Variants in NAE1 observed in about 807,000 individuals in gnomAD.
The protein encoded by NAE1 is NEDD8-activating enzyme E1 regulatory subunit.
Under a neutral mutation model 88.0 loss-of-function variants are expected in NAE1, and 59 were observed. The ratio of observed to expected loss-of-function variants is 0.67; its 90% CI spans 0.54 to 0.83. The LOEUF is 0.83. Among genes scored for constraint, NAE1 ranks in the 40% least tolerant of loss-of-function variants. The pLI, the probability that NAE1 is intolerant of heterozygous loss-of-function variation, is 0.00. For synonymous variants in NAE1, 186 were observed against 208.9 expected (o/e 0.89, Z 0.95); for missense variants, 554 against 632.8 (o/e 0.88, Z 1.34).
intron 7 of NAE1, among the ~76,000 whole-genome samples, chr16:66,819,750 ATTAAGGATAC>A: frequency 2.0e-5 from 3 of 152,204 alleles, no homozygotes; most frequent in Non-Finnish European, 4.4e-5. Context: ...GGATTTTTGG[ATTAAGGATAC>A]TCAATCTGTA....
chr16:66,816,506 T>A lies in NAE1; in HGVS notation c.840+75A>T, dbSNP rs537114946. 31 of 1,022,322 alleles carry A rather than the reference T, an allele frequency of 3.0e-5. No individual in the cohort carries two copies. The African/African-American group carries it at 4.7e-4, about 15-fold the overall frequency. 63.3% of individuals were successfully genotyped at this position (1,022,322 alleles called of 1,614,324 possible). A position where few individuals can be genotyped will look rare whatever the true frequency, so the allele number is the denominator to read the frequency against. ...TAGAAAATATTAACTTAAATCATTA[T>A]AGTCAACCATTTAATAGCCAAGGAC... On this transcript the variant is annotated intron_variant, in intron 11 of 19. Transcript: ENST00000290810.
rs370582777 is a variant in NAE1 at position 66,824,869 on chromosome 16, T to C, written c.235A>G (p.Ser79Gly). 1.9e-6 allele frequency: 3 copies of C among 1,610,424 alleles called. No homozygotes were observed. Among genetic ancestry groups the C allele is most frequent in the South Asian group, 2.2e-5 (2 of 90,548 alleles). ...TAATTGTTTACCTTGCCGATACTGCTTCTTTGAAGGAAGAAACTAAAGTGA... is the reference window on the plus strand; with the variant it reads ...TAATTGTTTACCTTGCCGATACTGCCTCTTTGAAGGAAGAAACTAAAGTGA... ...DAGNNFFLQRSSIGKNRAEAA... is the reference protein window; with the variant it reads ...DAGNNFFLQRGSIGKNRAEAA... Residue 79 changes from serine to glycine, a missense_variant, in exon 4 of 20, where the codon AGC (serine) becomes GGC (glycine). Physicochemically the swap from Ser to Gly is moderately conservative, Grantham distance 56. Coordinates refer to ENST00000290810, the MANE Select transcript of NAE1 (RefSeq NM_003905.4).
At chr16:66,813,380 A>G (rs1959898523) in intron 13 of NAE1, 184 bp downstream of exon 13, 4 of 646,230 alleles carry the variant, frequency 6.2e-6, no homozygotes, top group Non-Finnish European at 1.0e-5. Context: ...GACTCAAGCA[A>G]TTCTCCCACC....
At chr16:66,829,630 G>A (rs373338821) in intron 1 of NAE1, among the ~76,000 whole-genome samples, 5 of 152,318 alleles carry the variant, frequency 3.3e-5, no homozygotes, top group Non-Finnish European at 7.3e-5. Context: ...TTGTCTCAGA[G>A]GCTCCAGGAA....
intron 6 of NAE1, 27 bp from the exon 7 acceptor site, chr16:66,821,586 G>A: frequency 6.7e-7 from 1 of 1,498,954 alleles, no homozygotes; most frequent in Non-Finnish European, 8.9e-7. Flanking sequence ...AGCAAAATAT[G>A]AACATAAGCA....
At position 66,803,101 on chromosome 16, in the gene NAE1, C is replaced by T. The variant is rs1959418517; in HGVS notation, c.1513G>A (p.Val505Ile). ...AATTGTTTGGTGATTATTTTGATGA[C>T]CTCTTGAGCAGCAGCTCCTGAAAGG... The part of the protein sequence containing the change: ...AFLGGAAAQE[V>I]IKIITKQFVI... The change falls in exon 20 of 20, where the codon GTC becomes ATC. Residue 505 changes from valine to isoleucine, a missense_variant. Coordinates refer to ENST00000290810, the MANE Select transcript of NAE1 (RefSeq NM_003905.4). 1 of 1,608,222 alleles carries T rather than the reference C, an allele frequency of 6.2e-7. No individual in the cohort carries two copies. Among genetic ancestry groups the T allele is most frequent in the South Asian group, 1.1e-5 (1 of 90,884 alleles).
intron 6 of NAE1, among the ~76,000 whole-genome samples, chr16:66,822,069 G>A (rs758003824): frequency 2.0e-5 from 3 of 152,086 alleles, no homozygotes; most frequent in Non-Finnish European, 4.4e-5. Flanking sequence ...GTTTTGCCAT[G>A]TTGCCCAGGT....
chr16:66,820,782 T>C (rs551252964), intron 7 of NAE1, among the ~76,000 whole-genome samples: 1 of 151,830 alleles, frequency 6.6e-6, no homozygotes, highest in South Asian at 2.1e-4. Context: ...GCGCCTGTAG[T>C]CCCAGCTACT....
At position 66,821,377 on chromosome 16, in the gene NAE1, T is replaced by C. The variant is rs998685834; in HGVS notation, c.511+73A>G. On this transcript the variant is annotated intron_variant, in intron 7 of 19. Transcript: ENST00000290810. ...ATTTACTTTGTAATTTAAAACTGAC[T>C]TTCTAAATTGTCAAGTTTCTAAAAT... is the stretch of plus-strand genomic sequence containing the variant. The C allele has an allele frequency of 2.9e-6, 4 of 1,400,196 alleles. No individual in the cohort carries two copies. In the African/African-American group the frequency reaches 5.9e-5, roughly 21 times the overall value. The allele number at this position is 1,400,196 out of a possible 1,614,324, so 86.7% of individuals were successfully genotyped here.
intron 4 of NAE1, 43 bp from the exon 5 acceptor site, chr16:66,823,643 G>A (rs1960353549): frequency 4.0e-6 from 6 of 1,518,332 alleles, no homozygotes; most frequent in Non-Finnish European, 4.5e-6. Flanking sequence ...GAAAAAACTT[G>A]GTCACAATAT....
intron 1 of NAE1, among the ~76,000 whole-genome samples, chr16:66,829,539 C>A (rs1024156112): frequency 6.6e-6 from 1 of 152,206 alleles, no homozygotes; most frequent in Non-Finnish European, 1.5e-5. Context: ...ACTCTCAGAA[C>A]TAAGTGCCTA....
In NAE1 at chr16:66,802,911, A is replaced by G. The variant is rs1477568535; in HGVS notation, c.*98T>C. The G allele has an allele frequency of 1.3e-6, 1 of 744,366 alleles. No homozygotes were observed. The highest frequency in any genetic ancestry group is 2.6e-5 in the East Asian group (1 of 38,440). 46.1% of individuals were successfully genotyped at this position (744,366 alleles called of 1,614,324 possible). On this transcript the variant is annotated 3_prime_UTR_variant, in exon 20 of 20. Coordinates refer to ENST00000290810, the MANE Select transcript of NAE1 (RefSeq NM_003905.4). ...GAGAAAAATGTTTATTAAGAAAACA[A>G]TTTAGCAGCTCTCCTTTAGAATTTT... is the stretch of plus-strand genomic sequence containing the variant.
At chr16:66,804,609 G>A (rs571186932) in intron 19 of NAE1, among the ~76,000 whole-genome samples, 50 of 152,292 alleles carry the variant, frequency 3.3e-4, no homozygotes, top group Non-Finnish European at 6.3e-4. Flanking sequence ...TCAGTCTACA[G>A]GAGATCACAG....
At chr16:66,816,698 A>C in intron 10 of NAE1, 26 bp from the exon 11 acceptor site, 1 of 1,529,234 alleles carries the variant, frequency 6.5e-7, no homozygotes, top group East Asian at 2.3e-5. Context: ...ATTGTTAGCA[A>C]ACAGCCCTTT....
chr16:66,825,744 G>A (rs532329226), intron 3 of NAE1, among the ~76,000 whole-genome samples: 1 of 152,100 alleles, frequency 6.6e-6, no homozygotes, highest in South Asian at 2.1e-4. Flanking sequence ...CATGTCTCAA[G>A]GCCCAGATAT....
Position 66,817,474 on chromosome 16 carries a change from G to A in NAE1, c.635C>T (p.Thr212Ile). Residue 212 changes from threonine (T) to isoleucine (I), a missense_variant, in exon 9 of 20, where the codon ACT becomes ATT. Coordinates refer to ENST00000290810, the MANE Select transcript of NAE1 (RefSeq NM_003905.4). ...DHMEKKDHSH[T>I]PWIVIIAKYL... is the part of the protein sequence containing the mutation. ...TTTAGCTATGATCACAATCCATGGA[G>A]TATGACTGTGGTCCTAAAAATGAGA... 1 of 1,583,980 alleles carries A rather than the reference G, an allele frequency of 6.3e-7. No individual in the cohort carries two copies. The highest frequency in any genetic ancestry group is 8.6e-7 in the Non-Finnish European group (1 of 1,166,590).
At chr16:66,828,593 C>T (rs1960561627) in intron 1 of NAE1, among the ~76,000 whole-genome samples, 1 of 149,816 alleles carries the variant, frequency 6.7e-6, no homozygotes, top group Non-Finnish European at 1.5e-5. Context: ...AGGATCACTC[C>T]AGCCCAGGAG....
intron 16 of NAE1, 80 bp downstream of exon 16, chr16:66,808,909 T>G (rs1959678901): frequency 3.2e-6 from 3 of 933,986 alleles, no homozygotes; most frequent in Admixed American, 6.0e-5. Flanking sequence ...CACCATATAC[T>G]CAACACTATT....
At chr16:66,816,930 A>T in intron 10 of NAE1, 35 bp downstream of exon 10, 1 of 1,562,848 alleles carries the variant, frequency 6.4e-7, no homozygotes. Context: ...TTGCTTTTCA[A>T]GCTTTATACA....
Sources: allele counts gnomAD v4.1 joint callset (sites outside exome capture counted in the v4.1 genomes callset), GRCh38; gene constraint gnomAD v4.1.1; transcripts MANE v1.5; gene names NCBI Gene and HGNC (gene_info 2026-07-23, HGNC 2026-07-21).